ELFN1: variants seen among roughly 807,000 people sequenced by gnomAD.
ELFN1 encodes the protein protein ELFN1.
A neutral mutation model predicts 7.6 loss-of-function variants in ELFN1; 6 were observed. The ratio of observed to expected loss-of-function variants is 0.79; its 90% CI spans 0.43 to 1.56. The LOEUF (loss-of-function observed/expected upper bound fraction) is 1.56. Ranked by LOEUF, ELFN1 falls within the 40% of genes most tolerant of loss-of-function variation. The probability of loss-of-function intolerance (pLI) is 0.01; values close to 1 mark genes in which losing one functional copy is unlikely to be tolerated. For missense variants in ELFN1, 1,169 were observed against 1,232.2 expected, an observed-to-expected ratio of 0.95 and a Z score of 0.77; for synonymous variants, 657 against 588.1, an observed-to-expected ratio of 1.12 and a Z score of -1.70.
intron 2 of ELFN1, among the ~76,000 whole-genome samples, chr7:1,706,295 T>G (rs1230858555): frequency 2.0e-5 from 3 of 152,082 alleles, no homozygotes; most frequent in Non-Finnish European, 4.4e-5. Flanking sequence ...TGGTGGTGGG[T>G]GCCTGTGATC....
At chr7:1,712,890 GA>G (rs1779703687) in intron 3 of ELFN1, among the ~76,000 whole-genome samples, 1 of 152,184 alleles carries the variant, frequency 6.6e-6, no homozygotes, top group South Asian at 2.1e-4. Context: ...ATAAAATGGG[GA>G]AAATAAGGCC....
chr7:1,669,397 C>T (rs1198039518), upstream of ELFN1, among the ~76,000 whole-genome samples: 1 of 151,980 alleles, frequency 6.6e-6, no homozygotes, highest in Non-Finnish European at 1.5e-5. Flanking sequence ...GGAGAGGGTC[C>T]CCAGGCGCCG....
At chr7:1,710,122 G>A (rs1726784866) in intron 3 of ELFN1, among the ~76,000 whole-genome samples, 1 of 152,232 alleles carries the variant, frequency 6.6e-6, no homozygotes, top group African/African-American at 2.4e-5. Flanking sequence ...TAGACTGTGG[G>A]TTTCCTCAAT....
At chr7:1,738,247 CCT>C (rs1491497122) in intron 3 of ELFN1, among the ~76,000 whole-genome samples, 1 of 152,150 alleles carries the variant, frequency 6.6e-6, no homozygotes, top group East Asian at 1.9e-4. Context: ...CACGTGGAGG[CCT>C]CTCTCCATCT....
intron 2 of ELFN1, among the ~76,000 whole-genome samples, chr7:1,694,653 C>T (rs899570194): frequency 7.9e-5 from 12 of 152,352 alleles, no homozygotes; most frequent in South Asian, 4.1e-4. Context: ...AGCACCCAGA[C>T]GCCCACCTGC....
At chr7:1,667,127 G>GCC (rs796999662), upstream of ELFN1, among the ~76,000 whole-genome samples, 206 of 148,302 alleles carry the variant, frequency 1.4e-3, no homozygotes, top group African/African-American at 4.7e-3. This position sits in a 1 kb window ranked among gnomAD's most constrained non-coding sequence, Gnocchi z 8.2. Context: ...CGGGGTGTCG[G>GCC]CCCCCCCCCG....
chr7:1,747,095 C>T lies in ELFN1; in HGVS notation c.*12C>T, dbSNP rs1290156861. 2 of 1,461,026 alleles carry T rather than the reference C, an allele frequency of 1.4e-6. No homozygotes were observed. Among genetic ancestry groups the T allele is most frequent in the Non-Finnish European group, 1.8e-6 (2 of 1,099,282 alleles). The allele number at this position is 1,461,026 out of a possible 1,614,324, so 90.5% of individuals were successfully genotyped here. A position where few individuals can be genotyped will look rare whatever the true frequency, so the allele number is the denominator to read the frequency against. On this transcript the variant is annotated 3_prime_UTR_variant, in exon 4 of 4. Coordinates refer to ENST00000424383, the MANE Select transcript of ELFN1 (RefSeq NM_001128636.4). ...AGCACAAGTCCTGAGCCCCCCAAGACCGGCGATGCCCACTGGACCAAAAAG... is the reference window on the plus strand; with the variant it reads ...AGCACAAGTCCTGAGCCCCCCAAGATCGGCGATGCCCACTGGACCAAAAAG...
chr7:1,720,734 C>T (rs541238270), intron 3 of ELFN1, among the ~76,000 whole-genome samples: 1 of 151,396 alleles, frequency 6.6e-6, no homozygotes, highest in Admixed American at 6.6e-5. Context: ...CCCAGCACCC[C>T]CCACCCCCCG....
chr7:1,710,983 G>A (rs543530574), intron 3 of ELFN1, among the ~76,000 whole-genome samples: 5 of 152,324 alleles, frequency 3.3e-5, no homozygotes, highest in African/African-American at 1.2e-4. Flanking sequence ...AGGTGTTCCA[G>A]GCCCCCAGCC....
chr7:1,682,773 A>T (rs1472418971), intron 1 of ELFN1, among the ~76,000 whole-genome samples: 2 of 152,138 alleles, frequency 1.3e-5, no homozygotes, highest in Non-Finnish European at 2.9e-5. Flanking sequence ...CTTGAATAGC[A>T]GAGGTGCTTT....
chr7:1,744,919 T>C lies in ELFN1; in HGVS notation c.323T>C (p.Phe108Ser), dbSNP rs982521348. The C allele has an allele frequency of 3.2e-6, 5 of 1,552,974 alleles. No individual in the cohort carries two copies. In the African/African-American group the frequency reaches 6.8e-5, roughly 21 times the overall value. ...YIEDGAFSGQ[F>S]NLQVLQLGYN... ...GAGGACGGCGCCTTCTCGGGCCAGT[T>C]CAACCTGCAGGTGCTGCAGCTGGGC... The change falls in exon 4 of 4, where the codon TTC becomes TCC. Residue 108 changes from phenylalanine (F) to serine (S), a missense_variant. Coordinates refer to ENST00000424383, the MANE Select transcript of ELFN1 (RefSeq NM_001128636.4).
Position 1,745,313 on chromosome 7 carries a change from C to T in ELFN1, c.717C>T (p.His239=). ...YYLLGQGRRG[H]RSILSKLQSV... The stretch of plus-strand genomic sequence containing the variant: ...TCCTGGGCCAGGGCCGCCGCGGCCA[C>T]CGCAGCATCCTCAGCAAACTGCAGT... The change falls in exon 4 of 4, where the codon CAC becomes CAT. Residue 239 remains histidine, a synonymous_variant. Coordinates refer to ENST00000424383, the MANE Select transcript of ELFN1 (RefSeq NM_001128636.4). 1.3e-6 allele frequency: 2 copies of T among 1,539,056 alleles called. No individual in the cohort carries two copies. Among genetic ancestry groups the T allele is most frequent in the Non-Finnish European group, 1.7e-6 (2 of 1,146,768 alleles).
rs930196374 is a variant in ELFN1 at position 1,744,554 on chromosome 7, C to A, written c.-43C>A. 4.8e-6 allele frequency: 7 copies of A among 1,453,096 alleles called. No individual in the cohort carries two copies. Among genetic ancestry groups the A allele is most frequent in the African/African-American group, 1.4e-5 (1 of 69,358 alleles). 90.0% of individuals were successfully genotyped at this position (1,453,096 alleles called of 1,614,324 possible). A position where few individuals can be genotyped will look rare whatever the true frequency, so the allele number is the denominator to read the frequency against. ...CTGGCGCCTGGCCCCCCACCTGGTC[C>A]CCCTGGGCAGGCTGAATTGGGGCTC... On this transcript the variant is annotated 5_prime_UTR_variant, in exon 4 of 4. Transcript: ENST00000424383.
chr7:1,712,341 C>T (rs1176215414), intron 3 of ELFN1, among the ~76,000 whole-genome samples: 4 of 152,022 alleles, frequency 2.6e-5, no homozygotes, highest in Admixed American at 1.3e-4. Context: ...AGGGTGGTCT[C>T]GATCTCCTGA....
chr7:1,673,978 A>G lies in ELFN1; in HGVS notation c.-549+3624A>G, dbSNP rs1778817771. ...CTTGAGGGACCTTCAGAGGGGAGGC[A>G]GAGAGGACGACTACTCCGCTCCCTG... On this transcript the variant is annotated intron_variant, in intron 1 of 3. Transcript: ENST00000424383. This position sits in a 1 kb window ranked among gnomAD's most constrained non-coding sequence, Gnocchi z 4.7. Among the ~76,000 whole-genome samples the G allele has an allele frequency of 6.6e-6, 1 of 152,202 alleles. No homozygotes were observed. Among genetic ancestry groups the G allele is most frequent in the South Asian group, 2.1e-4 (1 of 4,836 alleles).
At chr7:1,687,651 C>A (rs1779083694) in intron 1 of ELFN1, among the ~76,000 whole-genome samples, 1 of 151,942 alleles carries the variant, frequency 6.6e-6, no homozygotes, top group Non-Finnish European at 1.5e-5. Context: ...GATTAGTATA[C>A]CTGGAAAAAA....
rs140278883 is a variant in ELFN1, at chr7:1,744,983, C to T, written c.387C>T (p.Arg129=). The T allele has an allele frequency of 1.6e-4, 244 of 1,551,146 alleles. 1 individual carries two copies. Among genetic ancestry groups the T allele is most frequent in the Non-Finnish European group, 1.9e-4 (219 of 1,147,008 alleles). ...RLRNLTEGML[R]GLGKLEYLYL... ...GCAACCTCACGGAGGGCATGCTGCGCGGCCTGGGCAAGCTGGAGTACCTGT... is the reference window on the plus strand; with the variant it reads ...GCAACCTCACGGAGGGCATGCTGCGTGGCCTGGGCAAGCTGGAGTACCTGT... The change falls in exon 4 of 4, where the codon CGC becomes CGT. Residue 129 remains arginine (R), a synonymous_variant. Transcript: ENST00000424383.
chr7:1,723,721 T>A (rs1024798919), intron 3 of ELFN1, among the ~76,000 whole-genome samples: 1 of 152,336 alleles, frequency 6.6e-6, no homozygotes, highest in Non-Finnish European at 1.5e-5. Flanking sequence ...CCTAGTTGTT[T>A]TCCAGCACTG....
rs1562367338 is a variant in ELFN1, at chr7:1,705,584, C to A, written c.-455-3507C>A. ...CAGATGGCAGGCCTCACAGCCTCAC[C>A]ATGCACCTGTGTGATCAGCCACTCG... On this transcript the variant is annotated intron_variant, in intron 2 of 3. Coordinates refer to ENST00000424383, the MANE Select transcript of ELFN1 (RefSeq NM_001128636.4). The surrounding 1 kb of genome is among the most constrained non-coding windows in gnomAD (Gnocchi z 4.3). 6.6e-6 allele frequency among the ~76,000 whole-genome samples: 1 copy of A among 152,240 alleles called. No individual in the cohort carries two copies. The highest frequency in any genetic ancestry group is 1.5e-5 in the Non-Finnish European group (1 of 68,046).
Sources: gnomAD v4.1 joint callset for allele counts (sites outside exome capture counted in the v4.1 genomes callset) on GRCh38, gnomAD v4.1.1 for gene constraint, Gnocchi (gnomAD v3.1) non-coding constraint, MANE v1.5 for transcripts, NCBI Gene and HGNC (gene_info 2026-07-23, HGNC 2026-07-21) for gene names.